COTL1: variants seen among roughly 807,000 people sequenced by gnomAD.
COTL1 encodes coactosin-like protein.
In COTL1, 15 loss-of-function variants were observed where a neutral mutation model predicts 16.5. The ratio of observed to expected loss-of-function variants is 0.91; its 90% CI spans 0.61 to 1.40. COTL1 has a LOEUF of 1.40. COTL1 is among the 40% of genes most tolerant of loss of function. The pLI, the probability that COTL1 is intolerant of heterozygous loss-of-function variation, is 0.00. For missense variants in COTL1, 220 were observed against 201.5 expected, an observed-to-expected ratio of 1.09 and a Z score of -0.56; for synonymous variants, 112 against 85.3, an observed-to-expected ratio of 1.31 and a Z score of -1.73.
intron 3 of COTL1, among the ~76,000 whole-genome samples, chr16:84,571,518 C>T (rs1008733152): frequency 6.6e-5 from 10 of 152,210 alleles, no homozygotes; most frequent in South Asian, 6.2e-4. Context: ...TCTCTCCCCC[C>T]TGCCCATCAG....
At chr16:84,592,356 T>C (rs1904891040) in intron 2 of COTL1, among the ~76,000 whole-genome samples, 2 of 152,184 alleles carry the variant, frequency 1.3e-5, no homozygotes, top group East Asian at 1.9e-4. Context: ...TTTGGAGTCA[T>C]TCACCTTGTA....
At chr16:84,592,628 T>C (rs1463284295) in intron 2 of COTL1, among the ~76,000 whole-genome samples, 1 of 151,722 alleles carries the variant, frequency 6.6e-6, no homozygotes, top group Non-Finnish European at 1.5e-5. Context: ...AATCTGCGTT[T>C]CTTCCTAGAA....
At position 84,580,034 on chromosome 16, in the gene COTL1, A is replaced by G. The variant is rs1904547135; in HGVS notation, c.318+10071T>C. ...CGACTGTGTCGGGAATCACTGCACC[A>G]CAGCGTCCGGAGGCCAGCTGCTGGC... On this transcript the variant is annotated intron_variant, in intron 3 of 3. Coordinates refer to ENST00000262428, the MANE Select transcript of COTL1 (RefSeq NM_021149.5). Among the ~76,000 whole-genome samples, 5 of 152,174 alleles carry G rather than the reference A, an allele frequency of 3.3e-5. No homozygotes were observed. The South Asian group carries it at 1.0e-3, about 32-fold the overall frequency.
At chr16:84,592,598 T>TA (rs11356776) in intron 2 of COTL1, among the ~76,000 whole-genome samples, 91,255 of 143,436 alleles carry the variant, frequency 0.64, 29,345 homozygotes, top group Middle Eastern at 0.75. Flanking sequence ...CACACTGAGT[T>TA]AAAAAAAAAA....
At chr16:84,615,368 G>A (rs1162747998) in intron 2 of COTL1, among the ~76,000 whole-genome samples, 2 of 152,194 alleles carry the variant, frequency 1.3e-5, no homozygotes, top group Non-Finnish European at 2.9e-5. Flanking sequence ...CAAGCCTGTG[G>A]GAGGAGGGAA....
At chr16:84,567,167 G>A (rs1046311990) in intron 3 of COTL1, 7 of 519,182 alleles carry the variant, frequency 1.3e-5, no homozygotes, top group South Asian at 1.2e-4. Flanking sequence ...AACCTGACTG[G>A]GAGGAGGGAG....
intron 3 of COTL1, among the ~76,000 whole-genome samples, chr16:84,572,920 T>G (rs1597166924): frequency 2.2e-5 from 1 of 46,032 alleles, no homozygotes; most frequent in African/African-American, 5.2e-5. Context: ...GCCCGACTAA[T>G]TTTTTTTTTT....
At chr16:84,592,035 T>G (rs1483062322) in intron 2 of COTL1, among the ~76,000 whole-genome samples, 4 of 152,092 alleles carry the variant, frequency 2.6e-5, no homozygotes, top group African/African-American at 9.7e-5. Flanking sequence ...ATCCCGTAAA[T>G]TGCAGGGTGC....
intron 3 of COTL1, among the ~76,000 whole-genome samples, chr16:84,583,782 C>G (rs1269003664): frequency 6.6e-6 from 1 of 152,118 alleles, no homozygotes; most frequent in Non-Finnish European, 1.5e-5. Context: ...CAGAAGCTAT[C>G]AGAATAGACT....
intron 1 of COTL1, 115 bp downstream of exon 1, chr16:84,617,723 G>A (rs1426599894): frequency 1.9e-5 from 26 of 1,382,796 alleles, no homozygotes; most frequent in Non-Finnish European, 2.5e-5. Context: ...CCCGGAATAA[G>A]GCGAGGAAGA....
chr16:84,572,437 G>A (rs139506359), intron 3 of COTL1, among the ~76,000 whole-genome samples: 275 of 152,308 alleles, frequency 1.8e-3, no homozygotes, highest in African/African-American at 6.4e-3. Flanking sequence ...CCAGGGCCTA[G>A]AGCAATGCGG....
intron 3 of COTL1, 111 bp downstream of exon 3, chr16:84,589,994 C>G (rs886643807): frequency 1.1e-5 from 12 of 1,101,408 alleles, no homozygotes; most frequent in Non-Finnish European, 1.6e-5. Flanking sequence ...ATGGCTTGTC[C>G]CAAGTCACAG....
At chr16:84,615,947 A>C (rs1905470628) in intron 2 of COTL1, 1 of 152,134 alleles carries the variant, frequency 6.6e-6, no homozygotes, top group Non-Finnish European at 1.5e-5. Flanking sequence ...GAATTGAACT[A>C]AATGCAAAAT....
chr16:84,598,838 CA>C lies in COTL1; in HGVS notation c.161-8577del, dbSNP rs1261253653. On this transcript the variant is annotated intron_variant, in intron 2 of 3. Transcript: ENST00000262428. ...AGCGGCAGGGGTGGGGGGGAGCAAG[CA>C]GGGGGGGTCCAAGCGGGGTCGGGGG... Among the ~76,000 whole-genome samples the C allele has an allele frequency of 5.6e-3, 561 of 100,344 alleles. 5 individuals carry two copies. Among genetic ancestry groups the C allele is most frequent in the African/African-American group, 0.018 (521 of 28,754 alleles). The allele number at this position is 100,344 out of a possible 152,430, so 65.8% of individuals were successfully genotyped here.
Position 84,590,342 on chromosome 16 carries a change from C to T in COTL1, c.161-80G>A. On this transcript the variant is annotated intron_variant, in intron 2 of 3. Transcript: ENST00000262428. The surrounding 1 kb of genome is among the most constrained non-coding windows in gnomAD (Gnocchi z 5.5). The stretch of plus-strand genomic sequence containing the variant: ...ATGTCCCTGGGGAGAGGCTGTGAGC[C>T]ACGAGTGCGCCTGGAGCAGCACAGC... 1 of 1,531,698 alleles carries T rather than the reference C, an allele frequency of 6.5e-7. No individual in the cohort carries two copies. Among genetic ancestry groups the T allele is most frequent in the Non-Finnish European group, 8.9e-7 (1 of 1,125,032 alleles). 94.9% of individuals were successfully genotyped at this position (1,531,698 alleles called of 1,614,324 possible).
At chr16:84,597,666 G>C (rs56136433) in intron 2 of COTL1, among the ~76,000 whole-genome samples, 1,643 of 152,292 alleles carry the variant, frequency 0.011, 26 homozygotes, top group African/African-American at 0.037. Flanking sequence ...TCACTGTTGG[G>C]AGAGGGGACG....
chr16:84,601,608 C>T (rs1323095850), intron 2 of COTL1, among the ~76,000 whole-genome samples: 2 of 152,198 alleles, frequency 1.3e-5, no homozygotes, highest in African/African-American at 4.8e-5. Context: ...TGGCACGCTC[C>T]ACCACACCCA....
intron 2 of COTL1, among the ~76,000 whole-genome samples, chr16:84,613,559 G>C (rs1342845096): frequency 6.6e-6 from 1 of 152,172 alleles, no homozygotes; most frequent in Non-Finnish European, 1.5e-5. Flanking sequence ...GACAGCATGA[G>C]TGTAATCCAA....
intron 2 of COTL1, among the ~76,000 whole-genome samples, chr16:84,591,975 C>G (rs1231313204): frequency 2.0e-5 from 3 of 152,210 alleles, no homozygotes; most frequent in Non-Finnish European, 4.4e-5. Context: ...AATTGTTCAA[C>G]ATCAGCTCAA....
Sources: gnomAD v4.1 joint callset for allele counts (sites outside exome capture counted in the v4.1 genomes callset) on GRCh38, gnomAD v4.1.1 for gene constraint, Gnocchi (gnomAD v3.1) non-coding constraint, MANE v1.5 for transcripts, NCBI Gene and HGNC (gene_info 2026-07-23, HGNC 2026-07-21) for gene names.